UBE2D3: variants seen among roughly 807,000 people sequenced by gnomAD.
The protein encoded by UBE2D3 is ubiquitin conjugating enzyme E2 D3.
In UBE2D3, 2 loss-of-function variants were observed where a neutral mutation model predicts 22.8. The observed-to-expected ratio is 0.09, with a 90% confidence interval of 0.04 to 0.28. The LOEUF (loss-of-function observed/expected upper bound fraction) is 0.28, where lower values mean the gene tolerates loss of function less well. UBE2D3 is among the 10% of genes least tolerant of loss of function. UBE2D3 has a pLI of 1.00. For missense variants in UBE2D3, 27 were observed against 182.5 expected, an observed-to-expected ratio of 0.15 and a Z score of 4.91; for synonymous variants, 56 against 60.4, an observed-to-expected ratio of 0.93 and a Z score of 0.34.
chr4:102,819,870 A>T (rs1303567862), intron 2 of UBE2D3, among the ~76,000 whole-genome samples: 2 of 152,234 alleles, frequency 1.3e-5, no homozygotes, highest in Non-Finnish European at 2.9e-5. Context: ...AATTTCTTGT[A>T]TTCTATTTGA....
intron 1 of UBE2D3, among the ~76,000 whole-genome samples, chr4:102,851,940 G>A (rs1383032730): frequency 6.6e-6 from 1 of 152,082 alleles, no homozygotes; most frequent in African/African-American, 2.4e-5. Context: ...AAAGTGCTGG[G>A]ATTACAGGCG....
At chr4:102,818,894 C>T (rs1277933755) in intron 2 of UBE2D3, among the ~76,000 whole-genome samples, 1 of 152,148 alleles carries the variant, frequency 6.6e-6, no homozygotes, top group African/African-American at 2.4e-5. Context: ...TTAAACTATG[C>T]TTTCTGCTTC....
In UBE2D3 at chr4:102,866,411, A is replaced by T. The variant is rs538754909; in HGVS notation, c.-129+2304T>A. On this transcript the variant is annotated intron_variant, in intron 1 of 7. Coordinates refer to the UBE2D3 transcript ENST00000338145. Reference sequence around the variant, plus strand: ...ATATGTGAGGGTCAAAAACATGCACAGCAATACAGAATAGTAGTAATGGTG... The same window carrying T: ...ATATGTGAGGGTCAAAAACATGCACTGCAATACAGAATAGTAGTAATGGTG... 2.0e-5 allele frequency among the ~76,000 whole-genome samples: 3 copies of T among 152,360 alleles called. No individual in the cohort carries two copies. In the South Asian group the frequency reaches 6.2e-4, roughly 32 times the overall value.
intron 2 of UBE2D3, among the ~76,000 whole-genome samples, chr4:102,814,023 C>T (rs774855076): frequency 2.0e-4 from 31 of 152,330 alleles, no homozygotes; most frequent in South Asian, 6.2e-4. Flanking sequence ...AATTTTAAGA[C>T]TGTATATCAC....
intron 1 of UBE2D3, among the ~76,000 whole-genome samples, chr4:102,866,186 T>A (rs995742678): frequency 3.9e-5 from 6 of 152,228 alleles, no homozygotes; most frequent in African/African-American, 1.2e-4. Flanking sequence ...CACATTCGCA[T>A]AGCTCATGTA....
At chr4:102,823,575 A>C (rs569491806) in intron 2 of UBE2D3, among the ~76,000 whole-genome samples, 19 of 152,246 alleles carry the variant, frequency 1.2e-4, no homozygotes, top group Non-Finnish European at 2.2e-4. Flanking sequence ...ATTTATCTTC[A>C]AACGTCCCTA....
intron 1 of UBE2D3, among the ~76,000 whole-genome samples, chr4:102,836,641 C>T (rs1731423434): frequency 1.3e-5 from 2 of 152,224 alleles, no homozygotes; most frequent in Non-Finnish European, 2.9e-5. Flanking sequence ...TATGGTCCCA[C>T]AAGCTATGTA....
intron 2 of UBE2D3, chr4:102,811,845 C>T (rs1490206904): frequency 2.4e-6 from 1 of 409,096 alleles, no homozygotes; most frequent in Non-Finnish European, 4.7e-6. Context: ...AGTGAGACCC[C>T]ATTCTCCATA....
upstream of UBE2D3, chr4:102,828,120 C>G (rs1309321236): frequency 1.0e-6 from 1 of 985,372 alleles, no homozygotes; most frequent in Non-Finnish European, 1.2e-6. Flanking sequence ...GGGCCACTGC[C>G]AGGAAAGCAA....
At chr4:102,868,732 G>A (rs764625985) in exon 1 of UBE2D3, 2 of 1,614,048 alleles carry the variant, frequency 1.2e-6, no homozygotes. Flanking sequence ...AGGCACTTTC[G>A]GTTAGAAAGC....
chr4:102,845,270 T>C (rs1361212788), intron 1 of UBE2D3, among the ~76,000 whole-genome samples: 1 of 152,118 alleles, frequency 6.6e-6, no homozygotes, highest in Non-Finnish European at 1.5e-5. Flanking sequence ...CTTTCTCTAG[T>C]GAATGGTCAC....
At chr4:102,852,999 T>G (rs1732437508) in intron 1 of UBE2D3, among the ~76,000 whole-genome samples, 1 of 152,174 alleles carries the variant, frequency 6.6e-6, no homozygotes, top group Non-Finnish European at 1.5e-5. Flanking sequence ...TAAACATTTC[T>G]GCTTATTAGT....
intron 6 of UBE2D3, among the ~76,000 whole-genome samples, chr4:102,799,752 G>T (rs764622304): frequency 1.4e-5 from 2 of 147,278 alleles, no homozygotes; most frequent in Non-Finnish European, 3.0e-5. Context: ...TCTAAGATAG[G>T]CAACTGATGC....
At chr4:102,845,814 CAG>C (rs915577102) in intron 1 of UBE2D3, among the ~76,000 whole-genome samples, 15 of 152,074 alleles carry the variant, frequency 9.9e-5, no homozygotes, top group African/African-American at 3.6e-4. Flanking sequence ...TTTTTTGAGA[CAG>C]AGTCTTGCTC....
chr4:102,868,850 G>T (rs1306322390), exon 1 of UBE2D3: 2 of 1,552,938 alleles, frequency 1.3e-6, no homozygotes, highest in Non-Finnish European at 1.8e-6. Context: ...AGATTCCGAG[G>T]AGGGCCTCGC....
chr4:102,864,643 A>C (rs1423311205), intron 1 of UBE2D3, among the ~76,000 whole-genome samples: 1 of 152,196 alleles, frequency 6.6e-6, no homozygotes, highest in Non-Finnish European at 1.5e-5. Context: ...GCCCTAATTA[A>C]TTTTCAGTAA....
chr4:102,814,754 C>A (rs1024183872), intron 2 of UBE2D3, among the ~76,000 whole-genome samples: 1 of 152,138 alleles, frequency 6.6e-6, no homozygotes, highest in Non-Finnish European at 1.5e-5. Flanking sequence ...GATTCCTGGG[C>A]AAGGCTCTTA....
chr4:102,828,770 G>A (rs771250285), upstream of UBE2D3, among the ~76,000 whole-genome samples: 11 of 152,206 alleles, frequency 7.2e-5, no homozygotes, highest in Admixed American at 3.3e-4. Flanking sequence ...TACCTCAGTA[G>A]GATTGGCCTG....
intron 1 of UBE2D3, among the ~76,000 whole-genome samples, chr4:102,835,511 C>G (rs1332850767): frequency 6.6e-6 from 1 of 152,120 alleles, no homozygotes; most frequent in Non-Finnish European, 1.5e-5. Context: ...GAGTGGCTTA[C>G]CAGCAGACAT....
Sources: allele counts gnomAD v4.1 joint callset (sites outside exome capture counted in the v4.1 genomes callset), GRCh38; gene constraint gnomAD v4.1.1; transcripts MANE v1.5; gene names NCBI Gene and HGNC (gene_info 2026-07-23, HGNC 2026-07-21).